The following RPS6KA5 variants were observed in gnomAD, a reference collection of about 807,000 sequenced individuals.
The protein encoded by RPS6KA5 is ribosomal protein S6 kinase alpha-5.
RPS6KA5 carries 27 observed loss-of-function variants against 85.5 expected under a neutral mutation model. The observed-to-expected ratio is 0.32, with a 90% CI of 0.23 to 0.44. RPS6KA5 has a LOEUF of 0.44. Among genes scored for constraint, RPS6KA5 ranks in the 20% least tolerant of loss-of-function variants. The pLI, the probability that RPS6KA5 is intolerant of heterozygous loss-of-function variation, is 1.00. For synonymous variants in RPS6KA5, 334 were observed against 348.2 expected (o/e 0.96, Z 0.46); for missense variants, 811 against 980.9 (o/e 0.83, Z 2.31).
At chr14:91,012,121 T>C (rs2041285757) in intron 1 of RPS6KA5, among the ~76,000 whole-genome samples, 1 of 152,066 alleles carries the variant, frequency 6.6e-6, no homozygotes, top group African/African-American at 2.4e-5. Flanking sequence ...AGTTCATCAA[T>C]TAAAACAAAA....
In RPS6KA5 at chr14:90,849,103, G is replaced by C. The variant is rs1446250200; in HGVS notation, c.*22971C>G. The C allele has an allele frequency of 3.3e-5, 5 of 152,232 alleles. No individual in the cohort carries two copies. Among genetic ancestry groups the C allele is most frequent in the Non-Finnish European group, 5.9e-5 (4 of 68,060 alleles). The allele number at this position is 152,232 out of a possible 1,614,324, so 9.4% of individuals were successfully genotyped here. ...TGCAAATAGAAGCGTTCACCCCACA[G>C]ATGAGAAAAGGGGACTCAGTCGTAA... is the stretch of plus-strand genomic sequence containing the variant. On this transcript the variant is annotated 3_prime_UTR_variant, in exon 17 of 17. Transcript: ENST00000614987.
chr14:91,024,876 C>T (rs183927622), intron 1 of RPS6KA5, among the ~76,000 whole-genome samples: 5 of 152,028 alleles, frequency 3.3e-5, no homozygotes, highest in Non-Finnish European at 5.9e-5. Context: ...TTCATAGAGC[C>T]AATTTTTTTT....
intron 1 of RPS6KA5, among the ~76,000 whole-genome samples, chr14:91,007,709 G>GTT (rs58235790): frequency 0.02 from 2,992 of 147,396 alleles, 70 homozygotes; most frequent in African/African-American, 0.067. Flanking sequence ...TTACTATTTT[G>GTT]TTTTTTTTTT....
rs200343859 is a variant in RPS6KA5 at position 90,929,868 on chromosome 14, CT to C, written c.619-6673del. 1.3e-3 allele frequency among the ~76,000 whole-genome samples: 198 copies of C among 151,844 alleles called. 3 individuals carry two copies. The East Asian group carries it at 0.033, about 25-fold the overall frequency. ...TCAAGACTTACTATAAAATGATAGG[CT>C]TTTTTTTCTTTTCTTTTTTGAGATA... On this transcript the variant is annotated intron_variant, in intron 5 of 16. Coordinates refer to ENST00000614987, the MANE Select transcript of RPS6KA5 (RefSeq NM_004755.4).
chr14:90,880,134 T>C (rs946662437), intron 14 of RPS6KA5, among the ~76,000 whole-genome samples: 30 of 152,174 alleles, frequency 2.0e-4, no homozygotes, highest in Non-Finnish European at 2.6e-4. Flanking sequence ...AAAATACATT[T>C]AACAAAATGT....
At position 90,852,270 on chromosome 14, in the gene RPS6KA5, A is replaced by G. The variant is rs1324916680; in HGVS notation, c.*19804T>C. The G allele has an allele frequency of 6.6e-6, 1 of 151,482 alleles. No individual in the cohort carries two copies. 9.4% of individuals were successfully genotyped at this position (151,482 alleles called of 1,614,324 possible). On this transcript the variant is annotated 3_prime_UTR_variant, in exon 17 of 17. Transcript: ENST00000614987. ...CCACCATGCCTGGCTAATTTTTTGT[A>G]TTTTTATTAGAGACGGGGTTTCACC... is the stretch of plus-strand genomic sequence containing the variant.
intron 12 of RPS6KA5, among the ~76,000 whole-genome samples, chr14:90,896,307 T>A (rs952917044): frequency 3.9e-5 from 6 of 152,370 alleles, no homozygotes; most frequent in African/African-American, 1.4e-4. Context: ...AGGTCAGTTC[T>A]GTTATTTATT....
At chr14:91,049,379 C>G (rs1463532674) in intron 1 of RPS6KA5, among the ~76,000 whole-genome samples, 1 of 152,182 alleles carries the variant, frequency 6.6e-6, no homozygotes, top group African/African-American at 2.4e-5. Context: ...CTTTGGGAGG[C>G]TGAGGTGGGT....
chr14:90,935,833 C>T (rs990549286), intron 5 of RPS6KA5, among the ~76,000 whole-genome samples: 3 of 152,184 alleles, frequency 2.0e-5, no homozygotes, highest in African/African-American at 7.2e-5. Context: ...CAAGCACTCA[C>T]TGTTAAATTA....
intron 3 of RPS6KA5, among the ~76,000 whole-genome samples, chr14:90,956,202 T>C (rs1309314188): frequency 6.6e-6 from 1 of 152,136 alleles, no homozygotes; most frequent in African/African-American, 2.4e-5. Context: ...CTGGAACCAA[T>C]TCCCTGCAGA....
chr14:90,914,194 G>C (rs530029361), intron 7 of RPS6KA5, among the ~76,000 whole-genome samples: 1 of 152,062 alleles, frequency 6.6e-6, no homozygotes, highest in South Asian at 2.1e-4. Flanking sequence ...GCATCATCAG[G>C]GAAACAACAG....
At chr14:90,920,073 G>T (rs936091571) in intron 7 of RPS6KA5, 133 bp downstream of exon 7, 33 of 706,366 alleles carry the variant, frequency 4.7e-5, no homozygotes, top group Admixed American at 2.3e-4. Context: ...TGATAGAAAT[G>T]AAAATTTACC....
chr14:91,045,905 A>G (rs1231290182), intron 1 of RPS6KA5, among the ~76,000 whole-genome samples: 1 of 152,038 alleles, frequency 6.6e-6, no homozygotes, highest in Non-Finnish European at 1.5e-5. Flanking sequence ...CAAGCCAGAC[A>G]CCTTCCTTCC....
chr14:90,937,854 C>A (rs187964480), intron 5 of RPS6KA5, among the ~76,000 whole-genome samples: 2 of 152,142 alleles, frequency 1.3e-5, no homozygotes, highest in Non-Finnish European at 2.9e-5. Context: ...CCACAACATG[C>A]GGGAATTCAA....
intron 2 of RPS6KA5, among the ~76,000 whole-genome samples, chr14:90,981,573 C>T (rs1468920971): frequency 1.3e-5 from 2 of 152,172 alleles, no homozygotes; most frequent in Non-Finnish European, 2.9e-5. Flanking sequence ...ACGCAATCAT[C>T]CTTGCCATGT....
chr14:90,955,276 T>C (rs969570659), intron 3 of RPS6KA5, among the ~76,000 whole-genome samples: 4 of 152,196 alleles, frequency 2.6e-5, no homozygotes, highest in African/African-American at 9.7e-5. Context: ...ATTTTCTTTT[T>C]TTAAATCTAG....
intron 3 of RPS6KA5, among the ~76,000 whole-genome samples, chr14:90,977,726 T>G (rs183401492): frequency 6.6e-6 from 1 of 152,004 alleles, no homozygotes; most frequent in African/African-American, 2.4e-5. Context: ...CTCAGGGAGG[T>G]AGATACCCCT....
At chr14:90,921,746 AT>A (rs2036410228) in intron 6 of RPS6KA5, among the ~76,000 whole-genome samples, 1 of 152,226 alleles carries the variant, frequency 6.6e-6, no homozygotes, top group South Asian at 2.1e-4. Flanking sequence ...TTTTAAATAC[AT>A]GATTAGTCGT....
Position 90,978,396 on chromosome 14 carries a change from G to T in RPS6KA5, c.304C>A (p.Arg102=). The part of the protein sequence containing the change: ...AKTTEHTRTE[R]QVLEHIRQSP... The stretch of plus-strand genomic sequence containing the variant: ...TGCCTAATGTGTTCCAGGACTTGTC[G>T]TTCTGTCCTTGTATGCTCTGTGGTT... The change falls in exon 3 of 17, where the codon CGA becomes AGA. Residue 102 remains arginine, a synonymous_variant. Coordinates refer to ENST00000614987, the MANE Select transcript of RPS6KA5 (RefSeq NM_004755.4). 4 of 1,613,728 alleles carry T rather than the reference G, an allele frequency of 2.5e-6. No homozygotes were observed. The highest frequency in any genetic ancestry group is 3.4e-6 in the Non-Finnish European group (4 of 1,179,838).
Sources: gnomAD v4.1 joint callset for allele counts (sites outside exome capture counted in the v4.1 genomes callset) on GRCh38, gnomAD v4.1.1 for gene constraint, MANE v1.5 for transcripts, NCBI Gene and HGNC (gene_info 2026-07-23, HGNC 2026-07-21) for gene names.